RASAL2: variants seen among roughly 807,000 people sequenced by gnomAD.
The protein encoded by RASAL2 is RAS protein activator like 2, also known as ras GTPase-activating protein nGAP.
A neutral mutation model predicts 128.9 loss-of-function variants in RASAL2; 58 were observed. The ratio of observed to expected loss-of-function variants is 0.45; its 90% CI spans 0.36 to 0.56. The LOEUF (loss-of-function observed/expected upper bound fraction) is 0.56. RASAL2 is among the 20% of genes least tolerant of loss of function. The pLI is 0.00. For synonymous variants in RASAL2, 561 were observed against 580.8 expected (o/e 0.97, Z 0.49); for missense variants, 1,360 against 1,601.6 (o/e 0.85, Z 2.57).
chr1:178,297,601 C>T (rs1456500907), intron 2 of RASAL2, among the ~76,000 whole-genome samples: 1 of 127,384 alleles, frequency 7.9e-6, no homozygotes, highest in Admixed American at 7.9e-5. Flanking sequence ...GAGCAAGACT[C>T]CATCTCAAAA....
Position 178,094,662 on chromosome 1 carries a change from T to C in RASAL2, c.170T>C (p.Val57Ala). ...GMLDRILLES[V>A]CQQQSWVRVY... ...TTGGATCGGATCCTTCTGGAGTCCGTGTGCCAGCAACAGAGCTGGGTCCGG... is the reference window on the plus strand; with the variant it reads ...TTGGATCGGATCCTTCTGGAGTCCGCGTGCCAGCAACAGAGCTGGGTCCGG... The change falls in exon 1 of 18, where the codon GTG (valine) becomes GCG (alanine). Residue 57 changes from valine to alanine, a missense_variant. Val to Ala is a moderately conservative substitution (Grantham distance 64, BLOSUM62 0). This residue lies in a region of RASAL2 where 617 missense variants were observed against 714.2 expected (regional missense o/e 0.86). Transcript: ENST00000367649. 1 of 1,614,078 alleles carries C rather than the reference T, an allele frequency of 6.2e-7. No individual in the cohort carries two copies. Among genetic ancestry groups the C allele is most frequent in the Non-Finnish European group, 8.5e-7 (1 of 1,180,024 alleles).
chr1:178,164,496 T>TGC (rs1245932197), intron 1 of RASAL2, among the ~76,000 whole-genome samples: 2 of 145,302 alleles, frequency 1.4e-5, no homozygotes, highest in Non-Finnish European at 1.5e-5. Context: ...TGTGTGTGTG[T>TGC]GTGTGTGTGC....
chr1:178,364,022 G>A lies in RASAL2; in HGVS notation c.458-26078G>A, dbSNP rs145093533. 5.3e-3 allele frequency among the ~76,000 whole-genome samples: 806 copies of A among 152,000 alleles called. 6 individuals are homozygous for A. Among genetic ancestry groups the A allele is most frequent in the African/African-American group, 0.018 (740 of 41,436 alleles). ...GAGGCAGGAGAATGGTGTGAACCTG[G>A]GAGGTGGAGCTTGCAGTGAGCCGAG... On this transcript the variant is annotated intron_variant, in intron 3 of 17. Transcript: ENST00000367649.
intron 4 of RASAL2, among the ~76,000 whole-genome samples, chr1:178,393,910 A>T: frequency 6.6e-6 from 1 of 152,236 alleles, no homozygotes; most frequent in East Asian, 1.9e-4. Context: ...GGTATTACTG[A>T]TAATGTCCCT....
chr1:178,103,597 TTAAG>T (rs1378161081), intron 1 of RASAL2, among the ~76,000 whole-genome samples: 1 of 152,104 alleles, frequency 6.6e-6, no homozygotes, highest in Admixed American at 6.5e-5. Context: ...ATCTTTTACA[TTAAG>T]TGTGATTGAA....
intron 1 of RASAL2, among the ~76,000 whole-genome samples, chr1:178,258,293 C>CAAAAAAAAA (rs993642772): frequency 1.4e-5 from 1 of 69,402 alleles, no homozygotes; most frequent in Non-Finnish European, 3.0e-5. Context: ...GACTGCATCT[C>CAAAAAAAAA]AAAAAAAAAA....
intron 3 of RASAL2, among the ~76,000 whole-genome samples, chr1:178,333,608 A>C (rs965751864): frequency 6.6e-6 from 1 of 152,168 alleles, no homozygotes; most frequent in Non-Finnish European, 1.5e-5. Flanking sequence ...TGTTAGATAC[A>C]TTATTTAGTT....
At chr1:178,216,013 A>G (rs2101993799) in intron 1 of RASAL2, among the ~76,000 whole-genome samples, 1 of 152,356 alleles carries the variant, frequency 6.6e-6, no homozygotes, top group South Asian at 2.1e-4. Flanking sequence ...AATAAATAGT[A>G]GCTTAGAAGA....
intron 3 of RASAL2, among the ~76,000 whole-genome samples, chr1:178,336,073 G>A (rs72707014): frequency 0.027 from 4,054 of 152,078 alleles, 67 homozygotes; most frequent in Middle Eastern, 0.051. Flanking sequence ...CTTAACTTGT[G>A]TCTCCATTTC....
At chr1:178,350,832 T>A (rs1670433014) in intron 3 of RASAL2, among the ~76,000 whole-genome samples, 1 of 152,190 alleles carries the variant, frequency 6.6e-6, no homozygotes, top group South Asian at 2.1e-4. Flanking sequence ...AGAATCTTAC[T>A]CTGGTTGGAT....
chr1:178,145,351 A>G (rs1660696340), intron 1 of RASAL2, among the ~76,000 whole-genome samples: 2 of 151,964 alleles, frequency 1.3e-5, no homozygotes, highest in Admixed American at 6.6e-5. Flanking sequence ...ATAGTAACTT[A>G]TTTTCTAGTG....
At chr1:178,153,415 C>G (rs1259091742) in intron 1 of RASAL2, among the ~76,000 whole-genome samples, 1 of 152,150 alleles carries the variant, frequency 6.6e-6, no homozygotes, top group Non-Finnish European at 1.5e-5. Context: ...TCTAATTCAA[C>G]AGAACATTTT....
intron 2 of RASAL2, among the ~76,000 whole-genome samples, chr1:178,293,745 A>G (rs898363628): frequency 6.6e-6 from 1 of 152,260 alleles, no homozygotes; most frequent in African/African-American, 2.4e-5. Flanking sequence ...CTGGTAAAGT[A>G]CAAGCTGTTA....
intron 1 of RASAL2, among the ~76,000 whole-genome samples, chr1:178,165,190 C>CAT (rs929048501): frequency 1.3e-5 from 2 of 151,606 alleles, no homozygotes; most frequent in South Asian, 2.1e-4. Flanking sequence ...CAGGTGTATA[C>CAT]ATATATATGT....
intron 3 of RASAL2, among the ~76,000 whole-genome samples, chr1:178,342,692 A>G (rs1007067909): frequency 6.6e-6 from 1 of 152,192 alleles, no homozygotes; most frequent in African/African-American, 2.4e-5. Context: ...TCTGTATGCA[A>G]ATATCTATTT....
intron 1 of RASAL2, among the ~76,000 whole-genome samples, chr1:178,188,138 C>G (rs1662369944): frequency 6.6e-6 from 1 of 152,146 alleles, no homozygotes; most frequent in Non-Finnish European, 1.5e-5. Context: ...TTTAATCCTA[C>G]TTACATACAC....
chr1:178,309,096 T>C (rs1013214640), intron 3 of RASAL2, among the ~76,000 whole-genome samples: 10 of 152,262 alleles, frequency 6.6e-5, no homozygotes, highest in African/African-American at 1.9e-4. Context: ...ATGTGTGTAT[T>C]TACTTAACCA....
chr1:178,242,768 C>T (rs1036887902), intron 1 of RASAL2, among the ~76,000 whole-genome samples: 4 of 152,168 alleles, frequency 2.6e-5, no homozygotes, highest in Non-Finnish European at 5.9e-5. Flanking sequence ...TACTCTGCCA[C>T]CCAGGCTGGA....
intron 1 of RASAL2, among the ~76,000 whole-genome samples, chr1:178,266,190 A>G (rs1665940736): frequency 1.3e-5 from 2 of 152,166 alleles, no homozygotes; most frequent in Admixed American, 1.3e-4. Context: ...TTCAAAAGTG[A>G]TTTTACCAAT....
Sources: gnomAD v4.1 joint callset for allele counts (sites outside exome capture counted in the v4.1 genomes callset) on GRCh38, gnomAD v4.1.1 for gene constraint, gnomAD v4.1.1 regional missense constraint, MANE v1.5 for transcripts, NCBI Gene and HGNC (gene_info 2026-07-23, HGNC 2026-07-21) for gene names.